Variants in KMT2C observed in about 807,000 individuals in gnomAD.
KMT2C encodes lysine methyltransferase 2C.
A neutral mutation model predicts 507.9 loss-of-function variants in KMT2C; 88 were observed. The observed-to-expected ratio is 0.17, with a 90% CI of 0.15 to 0.21. KMT2C has a LOEUF of 0.21. KMT2C is among the 10% of genes least tolerant of loss of function. KMT2C has a pLI of 1.00. For synonymous variants in KMT2C, 2,049 were observed against 2,080.8 expected (o/e 0.98, Z 0.42); for missense variants, 4,954 against 5,957.8 (o/e 0.83, Z 5.55).
intron 36 of KMT2C, among the ~76,000 whole-genome samples, 174 bp from the exon 37 acceptor site, chr7:152,180,300 C>T (rs2093388831): frequency 6.6e-6 from 1 of 152,184 alleles, no homozygotes. Context: ...GGATTACAAG[C>T]ATGCGCCACC....
At chr7:152,300,359 T>C (rs913279339) in intron 6 of KMT2C, among the ~76,000 whole-genome samples, 21 of 152,360 alleles carry the variant, frequency 1.4e-4, no homozygotes, top group African/African-American at 4.3e-4. Context: ...ATGGAAATAA[T>C]GTGGCTTATC....
intron 23 of KMT2C, among the ~76,000 whole-genome samples, chr7:152,208,580 G>T (rs887579998): frequency 1.7e-4 from 26 of 152,150 alleles, no homozygotes; most frequent in African/African-American, 6.3e-4. Context: ...GAGGTAAATG[G>T]AATGCTTAGA....
chr7:152,258,219 G>A (rs113755993), intron 9 of KMT2C, among the ~76,000 whole-genome samples: 38 of 152,300 alleles, frequency 2.5e-4, no homozygotes, highest in African/African-American at 8.4e-4. Flanking sequence ...CAAGTAAGTG[G>A]TGAGGGCACA....
Position 152,139,780 on chromosome 7 carries a change from C to G in KMT2C, c.14355G>C (p.Leu4785=), listed in dbSNP as rs199684494. 1.2e-6 allele frequency: 2 copies of G among 1,613,416 alleles called. No homozygotes were observed. The highest frequency in any genetic ancestry group is 1.7e-6 in the Non-Finnish European group (2 of 1,179,402). Residue 4785 remains leucine (L), a synonymous_variant, in exon 56 of 59, where the codon CTG becomes CTC. Transcript: ENST00000262189. ...LARSRIQGLG[L]YAARDIEKHT... is the part of the protein sequence containing the mutation. The stretch of plus-strand genomic sequence containing the variant: ...GTTTCTCAATGTCTCGAGCAGCATA[C>G]AGGCCCAGCCCCTAAAAAAAAGTGT...
chr7:152,395,113 A>T (rs752381708), intron 1 of KMT2C, among the ~76,000 whole-genome samples: 92 of 152,216 alleles, frequency 6.0e-4, no homozygotes, highest in Non-Finnish European at 9.3e-4. Context: ...TCAAGAAAAA[A>T]TAAAAGTTTG....
At chr7:152,235,624 GAA>G (rs1485392574) in intron 16 of KMT2C, among the ~76,000 whole-genome samples, 191 bp downstream of exon 16, 1 of 152,016 alleles carries the variant, frequency 6.6e-6, no homozygotes, top group African/African-American at 2.4e-5. Context: ...AGGAAGGTAA[GAA>G]AAGAGAAAGG....
intron 2 of KMT2C, among the ~76,000 whole-genome samples, chr7:152,351,024 TG>T (rs1210122740): frequency 1.3e-5 from 2 of 152,194 alleles, no homozygotes; most frequent in African/African-American, 4.8e-5. Flanking sequence ...TCACTATCAC[TG>T]TCTTTCCACC....
chr7:152,166,436 T>C (rs190336522), intron 42 of KMT2C, among the ~76,000 whole-genome samples: 2 of 152,310 alleles, frequency 1.3e-5, no homozygotes, highest in Admixed American at 6.5e-5. Flanking sequence ...CCTTAAGTTT[T>C]TAATTTACTT....
At chr7:152,153,921 G>C in intron 48 of KMT2C, 89 bp downstream of exon 48, 1 of 1,289,780 alleles carries the variant, frequency 7.8e-7, no homozygotes, top group Non-Finnish European at 1.1e-6. Flanking sequence ...CAGTGATCCT[G>C]TTTGTGTGTG....
chr7:152,290,252 G>GTA (rs1554617000), intron 6 of KMT2C, among the ~76,000 whole-genome samples: 8 of 57,940 alleles, frequency 1.4e-4, no homozygotes, highest in Admixed American at 2.4e-4. Flanking sequence ...GTGTGTGTGT[G>GTA]TATGTGTATA....
chr7:152,262,591 T>C (rs1437540524), intron 9 of KMT2C, among the ~76,000 whole-genome samples: 1 of 152,226 alleles, frequency 6.6e-6, no homozygotes, highest in Non-Finnish European at 1.5e-5. Flanking sequence ...CAAATTGTGG[T>C]ATCTCCAGCA....
chr7:152,420,632 C>T (rs1012936240), intron 1 of KMT2C, among the ~76,000 whole-genome samples: 1 of 152,014 alleles, frequency 6.6e-6, no homozygotes, highest in South Asian at 2.1e-4. Flanking sequence ...GTCAGGAGAT[C>T]GAGACCATTC....
intron 6 of KMT2C, among the ~76,000 whole-genome samples, chr7:152,298,683 G>C (rs2096537585): frequency 2.0e-5 from 3 of 152,238 alleles, no homozygotes; most frequent in African/African-American, 7.2e-5. Flanking sequence ...ATGAAAATCT[G>C]GATCAATACG....
intron 7 of KMT2C, among the ~76,000 whole-genome samples, chr7:152,270,261 G>A (rs964625285): frequency 2.0e-5 from 3 of 151,926 alleles, no homozygotes; most frequent in Non-Finnish European, 4.4e-5. Context: ...CAGAATTTAG[G>A]GTAAAAGAAA....
At chr7:152,418,825 A>G (rs1375060758) in intron 1 of KMT2C, among the ~76,000 whole-genome samples, 8 of 152,030 alleles carry the variant, frequency 5.3e-5, no homozygotes, top group Non-Finnish European at 1.2e-4. Flanking sequence ...AAGGGAAAGT[A>G]GGTTACAAAA....
Position 152,177,887 on chromosome 7 carries a change from C to T in KMT2C, c.7566G>A (p.Met2522Ile), listed in dbSNP as rs2129115575. The T allele has an allele frequency of 1.2e-6, 2 of 1,613,438 alleles. No homozygotes were observed. Among genetic ancestry groups the T allele is most frequent in the South Asian group, 2.2e-5 (2 of 91,054 alleles). The change falls in exon 38 of 59, where the codon ATG becomes ATA. Residue 2522 changes from methionine to isoleucine, a missense_variant. Coordinates refer to ENST00000262189, the MANE Select transcript of KMT2C (RefSeq NM_170606.3). ...TTTGTGAGTTATTTAAAGGCCTAGG[C>T]ATATCTACAGATACTGATCTTCTTA... ...PQLRRSVSVD[M>I]PRPLNNSQMN...
intron 21 of KMT2C, among the ~76,000 whole-genome samples, 171 bp from the exon 22 acceptor site, chr7:152,222,237 A>C (rs747943574): frequency 3.7e-4 from 57 of 152,344 alleles, no homozygotes; most frequent in Non-Finnish European, 7.2e-4. Flanking sequence ...GAAGTGATGA[A>C]GGAAATACTC....
At chr7:152,333,425 C>T (rs181550646) in intron 2 of KMT2C, among the ~76,000 whole-genome samples, 4 of 152,314 alleles carry the variant, frequency 2.6e-5, no homozygotes, top group African/African-American at 9.6e-5. Flanking sequence ...CTACTCCCAG[C>T]CTATAAGCTC....
intron 39 of KMT2C, among the ~76,000 whole-genome samples, chr7:152,173,215 A>G (rs1034300800): frequency 6.6e-6 from 1 of 152,242 alleles, no homozygotes; most frequent in East Asian, 1.9e-4. Context: ...TTAAGAATTC[A>G]AATTTCTTTG....
Sources: allele counts gnomAD v4.1 joint callset (sites outside exome capture counted in the v4.1 genomes callset), GRCh38; gene constraint gnomAD v4.1.1; transcripts MANE v1.5; gene names NCBI Gene and HGNC (gene_info 2026-07-23, HGNC 2026-07-21).